The following ADGRL3 variants were observed in gnomAD, a reference collection of about 807,000 sequenced individuals.
ADGRL3 encodes the protein calcium-independent alpha-latrotoxin receptor 3.
ADGRL3 carries 62 observed loss-of-function variants against 153.5 expected under a neutral mutation model. That is an observed-to-expected ratio of 0.40 (90% confidence interval 0.33 to 0.50). The LOEUF is 0.50. Ranked by LOEUF, ADGRL3 falls within the 20% of genes least tolerant of loss-of-function variation. The probability of loss-of-function intolerance (pLI) is 0.47; values close to 1 mark genes in which losing one functional copy is unlikely to be tolerated. For synonymous variants in ADGRL3, 710 were observed against 672.5 expected (o/e 1.06, Z -0.86); for missense variants, 1,641 against 1,859.4 (o/e 0.88, Z 2.16).
intron 25 of ADGRL3, among the ~76,000 whole-genome samples, chr4:62,059,566 C>A (rs1385024807): frequency 2.0e-5 from 3 of 152,108 alleles, no homozygotes; most frequent in Non-Finnish European, 4.4e-5. Context: ...ATGCATTTTC[C>A]TTAAGAGTTT....
chr4:61,382,017 T>C (rs975690048), intron 1 of ADGRL3, among the ~76,000 whole-genome samples: 1 of 151,984 alleles, frequency 6.6e-6, no homozygotes, highest in Non-Finnish European at 1.5e-5. Context: ...GTGAATAGCT[T>C]TCACTAATTT....
At chr4:61,309,015 C>T (rs2094903864) in intron 1 of ADGRL3, among the ~76,000 whole-genome samples, 1 of 151,950 alleles carries the variant, frequency 6.6e-6, no homozygotes. Flanking sequence ...TATATTTTTG[C>T]TGCACTTGTA....
chr4:61,475,305 G>A (rs923474282), intron 2 of ADGRL3, among the ~76,000 whole-genome samples: 6 of 152,068 alleles, frequency 3.9e-5, no homozygotes, highest in South Asian at 2.1e-4. Flanking sequence ...GTATTAGCTG[G>A]GATACAATTA....
chr4:62,009,927 G>T (rs1057037419), intron 21 of ADGRL3, among the ~76,000 whole-genome samples: 1 of 152,090 alleles, frequency 6.6e-6, no homozygotes, highest in East Asian at 1.9e-4. Context: ...TTAGAAAAGT[G>T]CTGTACTTCT....
intron 2 of ADGRL3, among the ~76,000 whole-genome samples, chr4:61,470,540 T>G (rs2097936998): frequency 6.6e-6 from 1 of 152,024 alleles, no homozygotes; most frequent in African/African-American, 2.4e-5. Context: ...TCTTTATAGA[T>G]AAGTACTCCT....
intron 1 of ADGRL3, among the ~76,000 whole-genome samples, chr4:61,318,478 G>A (rs2095283085): frequency 6.6e-6 from 1 of 152,020 alleles, no homozygotes; most frequent in African/African-American, 2.4e-5. Context: ...GATCAAGTGA[G>A]GTAATGCTTA....
At chr4:61,430,503 T>G (rs555683338) in intron 2 of ADGRL3, among the ~76,000 whole-genome samples, 69 of 152,300 alleles carry the variant, frequency 4.5e-4, no homozygotes, top group Non-Finnish European at 8.4e-4. Flanking sequence ...ACACTGTACA[T>G]GCAACTTGCA....
At position 61,384,807 on chromosome 4, in the gene ADGRL3, C is replaced by A. The variant is rs1392733232; in HGVS notation, c.-174+1618C>A. Among the ~76,000 whole-genome samples the A allele has an allele frequency of 3.3e-5, 5 of 151,838 alleles. No individual in the cohort carries two copies. In the South Asian group the frequency reaches 1.0e-3, roughly 31 times the overall value. ...AAGGGTGAAACTTGCAAACATTATA[C>A]TAACTGAAAAAGACACACACAAAAG... On this transcript the variant is annotated intron_variant, in intron 2 of 26. Coordinates refer to ENST00000683033, the MANE Select transcript of ADGRL3 (RefSeq NM_001387552.1).
At chr4:61,976,588 A>G (rs935447299) in intron 17 of ADGRL3, among the ~76,000 whole-genome samples, 16 of 152,166 alleles carry the variant, frequency 1.1e-4, no homozygotes, top group African/African-American at 3.6e-4. Context: ...ACCCTCTGTG[A>G]GAAGGTGACA....
intron 8 of ADGRL3, among the ~76,000 whole-genome samples, chr4:61,800,400 C>T (rs919576678): frequency 6.6e-6 from 1 of 152,102 alleles, no homozygotes; most frequent in Non-Finnish European, 1.5e-5. Context: ...GCACTTTGAA[C>T]ACTGAGAAAA....
chr4:61,406,415 T>C (rs932722198), intron 2 of ADGRL3, among the ~76,000 whole-genome samples: 1 of 151,886 alleles, frequency 6.6e-6, no homozygotes, highest in Non-Finnish European at 1.5e-5. Flanking sequence ...AAATTAATAA[T>C]ACATTTTATA....
At chr4:61,555,262 A>G (rs1042990246) in intron 4 of ADGRL3, among the ~76,000 whole-genome samples, 1 of 152,158 alleles carries the variant, frequency 6.6e-6, no homozygotes. Flanking sequence ...TCCCCTTCAT[A>G]TACTTTAGAA....
chr4:61,559,683 A>T (rs2098785792), intron 4 of ADGRL3, among the ~76,000 whole-genome samples: 1 of 152,054 alleles, frequency 6.6e-6, no homozygotes, highest in Non-Finnish European at 1.5e-5. Flanking sequence ...AGTGTGACTC[A>T]AAATGTAGAG....
intron 4 of ADGRL3, among the ~76,000 whole-genome samples, chr4:61,543,579 T>C (rs751706084): frequency 3.9e-5 from 6 of 152,196 alleles, no homozygotes; most frequent in Non-Finnish European, 8.8e-5. Flanking sequence ...AATTTGTTAC[T>C]GCGCAATAGA....
intron 9 of ADGRL3, among the ~76,000 whole-genome samples, chr4:61,843,833 A>C (rs1345801032): frequency 6.6e-6 from 1 of 151,966 alleles, no homozygotes; most frequent in Non-Finnish European, 1.5e-5. Context: ...GCAACATAGC[A>C]AGAGCTCCAT....
At chr4:61,875,491 T>C (rs962449141) in intron 9 of ADGRL3, among the ~76,000 whole-genome samples, 1 of 152,246 alleles carries the variant, frequency 6.6e-6, no homozygotes, top group African/African-American at 2.4e-5. Flanking sequence ...TTGTTTATTA[T>C]ACTTTTAGTA....
chr4:61,354,220 A>T (rs2096116037), intron 1 of ADGRL3, among the ~76,000 whole-genome samples: 1 of 152,170 alleles, frequency 6.6e-6, no homozygotes, highest in Admixed American at 6.5e-5. Flanking sequence ...GGCTTGTCCT[A>T]GTTCTCACGA....
chr4:61,321,445 T>G (rs762096658), intron 1 of ADGRL3, among the ~76,000 whole-genome samples: 5 of 152,130 alleles, frequency 3.3e-5, no homozygotes, highest in African/African-American at 4.8e-5. Flanking sequence ...GAAAAGCATG[T>G]ATCAGGAAAT....
At chr4:61,274,594 A>G (rs376912805) in intron 1 of ADGRL3, among the ~76,000 whole-genome samples, 1 of 152,196 alleles carries the variant, frequency 6.6e-6, no homozygotes, top group African/African-American at 2.4e-5. Flanking sequence ...TAAAAAATGT[A>G]AGTTCTGTGT....
Sources: allele counts gnomAD v4.1 joint callset (sites outside exome capture counted in the v4.1 genomes callset), GRCh38; gene constraint gnomAD v4.1.1; transcripts MANE v1.5; gene names NCBI Gene and HGNC (gene_info 2026-07-23, HGNC 2026-07-21).